Variants in PGCKA1 observed in about 807,000 individuals in gnomAD.
The protein encoded by PGCKA1 is PDCD10 and GCKIII kinases associated 1, also known as PDCD10 and GCKIII kinases-associated protein 1.
At chr4:37,589,989 G>C in the PGCKA1 span, 1 of 878,016 alleles carries the variant, frequency 1.1e-6, no homozygotes, top group Non-Finnish European at 1.8e-6. Flanking sequence ...AGTAATCACA[G>C]AAATTAAATT....
chr4:37,483,955 G>C, the PGCKA1 span, among the ~76,000 whole-genome samples: 1 of 152,158 alleles, frequency 6.6e-6, no homozygotes, highest in South Asian at 2.1e-4. Flanking sequence ...TTTCCTGGGA[G>C]GATGGCTGAG....
At chr4:37,568,135 T>C in the PGCKA1 span, among the ~76,000 whole-genome samples, 2 of 152,210 alleles carry the variant, frequency 1.3e-5, no homozygotes, top group South Asian at 4.1e-4. Context: ...ACCTCTCAGG[T>C]GCACAGGGCC....
the PGCKA1 span, among the ~76,000 whole-genome samples, chr4:37,499,243 T>G: frequency 6.6e-6 from 1 of 152,198 alleles, no homozygotes; most frequent in African/African-American, 2.4e-5. Flanking sequence ...TTGTTGAGGA[T>G]TTTTACACCA....
the PGCKA1 span, chr4:37,591,105 A>G: frequency 1.1e-6 from 1 of 917,790 alleles, no homozygotes; most frequent in Non-Finnish European, 1.6e-6. Context: ...GCACCAGTGC[A>G]GCCTTACCAG....
chr4:37,571,355 CTTTTTTTTTTTTTT>C, the PGCKA1 span, among the ~76,000 whole-genome samples: 7 of 78,036 alleles, frequency 9.0e-5, no homozygotes, highest in Non-Finnish European at 1.5e-4. Context: ...GACTATTATC[CTTTTTTTTTTTTTT>C]TTTTTTTTTT....
the PGCKA1 span, chr4:37,588,763 C>G: frequency 7.1e-6 from 7 of 982,038 alleles, no homozygotes; most frequent in Non-Finnish European, 9.7e-6. Context: ...CATTTTGAGT[C>G]TCTAGGGAAA....
At chr4:37,577,488 C>A in the PGCKA1 span, among the ~76,000 whole-genome samples, 1 of 150,210 alleles carries the variant, frequency 6.7e-6, no homozygotes, top group African/African-American at 2.5e-5. Flanking sequence ...TAAAGGTTTG[C>A]CAGTTTTGTT....
At chr4:37,569,428 ACT>A in the PGCKA1 span, among the ~76,000 whole-genome samples, 1 of 151,956 alleles carries the variant, frequency 6.6e-6, no homozygotes, top group African/African-American at 2.4e-5. Context: ...TGAACTCCTG[ACT>A]TCAGGTGATC....
the PGCKA1 span, among the ~76,000 whole-genome samples, chr4:37,537,538 A>G: frequency 6.6e-6 from 1 of 152,254 alleles, no homozygotes; most frequent in Non-Finnish European, 1.5e-5. Flanking sequence ...TGTTATAGAA[A>G]AAAAATGAGG....
chr4:37,560,765 G>A, the PGCKA1 span, among the ~76,000 whole-genome samples: 4 of 152,078 alleles, frequency 2.6e-5, no homozygotes, highest in African/African-American at 9.7e-5. Flanking sequence ...GTGTATATCT[G>A]TACATCTTTC....
chr4:37,579,732 T>C, the PGCKA1 span, among the ~76,000 whole-genome samples: 1 of 152,198 alleles, frequency 6.6e-6, no homozygotes, highest in Admixed American at 6.5e-5. Flanking sequence ...GGGAGTTTGA[T>C]TACTAATTGC....
At chr4:37,518,404 C>G in the PGCKA1 span, among the ~76,000 whole-genome samples, 2 of 152,162 alleles carry the variant, frequency 1.3e-5, no homozygotes, top group Admixed American at 1.3e-4. Flanking sequence ...TATGCAGGTT[C>G]CCTTTTCTCA....
the PGCKA1 span, among the ~76,000 whole-genome samples, chr4:37,458,400 A>C: frequency 1.3e-5 from 2 of 152,016 alleles, no homozygotes; most frequent in African/African-American, 4.8e-5. Flanking sequence ...CCCCACACGT[A>C]ATGGCTTAAA....
chr4:37,529,034 A>G, the PGCKA1 span, among the ~76,000 whole-genome samples: 2 of 152,210 alleles, frequency 1.3e-5, no homozygotes, highest in African/African-American at 4.8e-5. Context: ...ACTTAACAAT[A>G]TTTGGTTTAT....
chr4:37,453,359 C>A, the PGCKA1 span, among the ~76,000 whole-genome samples: 1 of 151,988 alleles, frequency 6.6e-6, no homozygotes, highest in African/African-American at 2.4e-5. Context: ...CATTGAACTC[C>A]CCCTGGGGCC....
At chr4:37,569,646 C>T in the PGCKA1 span, among the ~76,000 whole-genome samples, 2 of 152,100 alleles carry the variant, frequency 1.3e-5, no homozygotes, top group Non-Finnish European at 2.9e-5. Context: ...AAGTATTCTA[C>T]AAAACATGAG....
At chr4:37,502,910 G>A in the PGCKA1 span, among the ~76,000 whole-genome samples, 2 of 152,218 alleles carry the variant, frequency 1.3e-5, no homozygotes, top group Non-Finnish European at 2.9e-5. Flanking sequence ...GGAGACCAAG[G>A]ATTGCTGAGG....
the PGCKA1 span, among the ~76,000 whole-genome samples, chr4:37,585,012 T>G: frequency 1.6e-4 from 24 of 149,546 alleles, no homozygotes; most frequent in African/African-American, 5.2e-4. Flanking sequence ...ACTTGTTTTT[T>G]TTTTTTTTTT....
the PGCKA1 span, among the ~76,000 whole-genome samples, chr4:37,502,855 G>C: frequency 6.6e-6 from 1 of 152,068 alleles, no homozygotes; most frequent in Admixed American, 6.5e-5. Context: ...ACCCAGGGCT[G>C]TATTGCAAGC....
Sources: allele counts gnomAD v4.1 joint callset (sites outside exome capture counted in the v4.1 genomes callset), GRCh38; gene constraint gnomAD v4.1.1; transcripts MANE v1.5; gene names NCBI Gene and HGNC (gene_info 2026-07-23, HGNC 2026-07-21).